Variants in PRKN observed in about 807,000 individuals in gnomAD.
PRKN encodes E3 ubiquitin-protein ligase parkin.
Under a neutral mutation model 59.5 loss-of-function variants are expected in PRKN, and 56 were observed. The ratio of observed to expected loss-of-function variants is 0.94; its 90% CI spans 0.76 to 1.18. The LOEUF is 1.18. PRKN is among the 50% of genes most tolerant of loss of function. PRKN has a pLI of 0.00. For synonymous variants in PRKN, 250 were observed against 222.1 expected (o/e 1.13, Z -1.12); for missense variants, 657 against 596.4 (o/e 1.10, Z -1.06).
intron 6 of PRKN, among the ~76,000 whole-genome samples, chr6:161,874,170 TA>T (rs1562354058): frequency 0.073 from 4,746 of 65,324 alleles, 755 homozygotes; most frequent in African/African-American, 0.089. Context: ...ATATAATATA[TA>T]ATATATATTA....
At chr6:161,861,892 T>C (rs6935164) in intron 6 of PRKN, among the ~76,000 whole-genome samples, 75,314 of 152,028 alleles carry the variant, frequency 0.5, 19,032 homozygotes, top group African/African-American at 0.57. Flanking sequence ...GCTGCCTTAA[T>C]ATAACAGAAA....
In PRKN at chr6:161,451,623, G is replaced by A. The variant is rs1157394352; in HGVS notation, c.1084-64746C>T. On this transcript the variant is annotated intron_variant, in intron 9 of 11. Coordinates refer to ENST00000366898, the MANE Select transcript of PRKN (RefSeq NM_004562.3). This position sits in a 1 kb window ranked among gnomAD's most constrained non-coding sequence, Gnocchi z 5.9. ...CCAGAGTAACCTGTCTCAAGAATAT[G>A]AGCAAGATGATTCCAAGAGAAAGTG... Among the ~76,000 whole-genome samples the A allele has an allele frequency of 2.0e-5, 3 of 152,222 alleles. No individual in the cohort carries two copies. Among genetic ancestry groups the A allele is most frequent in the East Asian group, 3.9e-4 (2 of 5,180 alleles).
intron 1 of PRKN, among the ~76,000 whole-genome samples, chr6:162,561,390 G>GA (rs34960119): frequency 0.31 from 46,509 of 151,732 alleles, 7,565 homozygotes; most frequent in East Asian, 0.49. Flanking sequence ...GTGAGATGCA[G>GA]ACAAGATGGT....
At chr6:161,820,334 T>TA (rs1287839548) in intron 6 of PRKN, among the ~76,000 whole-genome samples, 2 of 151,776 alleles carry the variant, frequency 1.3e-5, no homozygotes, top group African/African-American at 4.8e-5. Context: ...TTAAAAAGTT[T>TA]ATAACTTTCA....
intron 4 of PRKN, among the ~76,000 whole-genome samples, chr6:162,058,365 A>C (rs775061723): frequency 6.6e-6 from 1 of 152,130 alleles, no homozygotes; most frequent in Non-Finnish European, 1.5e-5. Flanking sequence ...GACAGCTCTA[A>C]CAGGAGCCGT....
intron 2 of PRKN, among the ~76,000 whole-genome samples, chr6:162,389,681 A>G (rs1787062170): frequency 6.6e-6 from 1 of 152,176 alleles, no homozygotes; most frequent in Non-Finnish European, 1.5e-5. Context: ...AATATTCTCA[A>G]TTTACAAATA....
intron 2 of PRKN, among the ~76,000 whole-genome samples, chr6:162,301,688 C>T (rs1781958565): frequency 6.7e-6 from 1 of 148,978 alleles, no homozygotes; most frequent in Non-Finnish European, 1.5e-5. Flanking sequence ...CCAATACTTA[C>T]AGCCTAGTTT....
rs1781583507 is a variant in PRKN at position 162,598,737 on chromosome 6, C to T, written c.7+128925G>A. Among the ~76,000 whole-genome samples, 4 of 151,198 alleles carry T rather than the reference C, an allele frequency of 2.6e-5. No homozygotes were observed. In the South Asian group the frequency reaches 8.4e-4, roughly 32 times the overall value. ...GTGTGGTAGTGCATGCCTGTAATCC[C>T]AGTTACTCGGGAGGCTGAGGCATGA... On this transcript the variant is annotated intron_variant, in intron 1 of 11. Coordinates refer to ENST00000366898, the MANE Select transcript of PRKN (RefSeq NM_004562.3).
chr6:161,568,055 A>G (rs1482655564), intron 8 of PRKN, among the ~76,000 whole-genome samples: 2 of 152,224 alleles, frequency 1.3e-5, no homozygotes, highest in East Asian at 1.9e-4. Context: ...CAATATAGAA[A>G]AATGAAGGGG....
At chr6:161,787,897 A>G (rs377685790) in intron 6 of PRKN, among the ~76,000 whole-genome samples, 20 of 152,324 alleles carry the variant, frequency 1.3e-4, no homozygotes, top group Middle Eastern at 3.4e-3. Flanking sequence ...CCGAGATCGC[A>G]CCACTGCACT....
intron 5 of PRKN, among the ~76,000 whole-genome samples, chr6:161,984,821 T>C (rs1784607): frequency 0.34 from 52,169 of 151,994 alleles, 9,221 homozygotes; most frequent in African/African-American, 0.38. Context: ...TCCAAACGCT[T>C]TAGAACTATG....
chr6:161,966,914 C>T (rs985008607), intron 6 of PRKN, among the ~76,000 whole-genome samples: 4 of 152,240 alleles, frequency 2.6e-5, no homozygotes, highest in African/African-American at 4.8e-5. Context: ...TCACCACAAC[C>T]TCTGCCTCCT....
At chr6:162,635,779 T>C (rs1169038576) in intron 1 of PRKN, among the ~76,000 whole-genome samples, 1 of 152,102 alleles carries the variant, frequency 6.6e-6, no homozygotes, top group African/African-American at 2.4e-5. Context: ...CACCAATAAT[T>C]GTACACAGGC....
chr6:162,276,340 C>T (rs890197066), intron 2 of PRKN, among the ~76,000 whole-genome samples: 3 of 152,038 alleles, frequency 2.0e-5, no homozygotes, highest in Non-Finnish European at 4.4e-5. Flanking sequence ...AAATTGATTA[C>T]TAATCATAGT....
At chr6:161,919,079 T>C (rs1778682742) in intron 6 of PRKN, among the ~76,000 whole-genome samples, 2 of 152,198 alleles carry the variant, frequency 1.3e-5, no homozygotes, top group African/African-American at 4.8e-5. Flanking sequence ...CGAAGAGTTT[T>C]ACGCCATGTT....
intron 7 of PRKN, among the ~76,000 whole-genome samples, chr6:161,652,117 G>A (rs1326407629): frequency 6.6e-6 from 1 of 152,162 alleles, no homozygotes; most frequent in Non-Finnish European, 1.5e-5. Flanking sequence ...GTTTCATAGT[G>A]CAGCACTTTA....
chr6:161,673,847 T>A (rs1784995684), intron 7 of PRKN, among the ~76,000 whole-genome samples: 1 of 152,140 alleles, frequency 6.6e-6, no homozygotes, highest in Non-Finnish European at 1.5e-5. Flanking sequence ...AACTTGGAGA[T>A]GATGCTTGTG....
At chr6:162,134,628 A>G (rs192632534) in intron 4 of PRKN, among the ~76,000 whole-genome samples, 3 of 152,322 alleles carry the variant, frequency 2.0e-5, no homozygotes, top group Non-Finnish European at 4.4e-5. Flanking sequence ...GATCTAGTTA[A>G]AGGCTTTGAA....
At chr6:161,776,138 A>C (rs1411633466) in intron 7 of PRKN, among the ~76,000 whole-genome samples, 1 of 152,208 alleles carries the variant, frequency 6.6e-6, no homozygotes, top group Non-Finnish European at 1.5e-5. Flanking sequence ...ACAAGAAGTA[A>C]GTGCATTTTG....
Sources: gnomAD v4.1 joint callset for allele counts (sites outside exome capture counted in the v4.1 genomes callset) on GRCh38, gnomAD v4.1.1 for gene constraint, Gnocchi (gnomAD v3.1) non-coding constraint, MANE v1.5 for transcripts, NCBI Gene and HGNC (gene_info 2026-07-23, HGNC 2026-07-21) for gene names.